Variants in INPP4B observed in about 807,000 individuals in gnomAD.
INPP4B encodes inositol polyphosphate 4-phosphatase type II.
Under a neutral mutation model 122.5 loss-of-function variants are expected in INPP4B, and 55 were observed. That is an observed-to-expected ratio of 0.45 (90% CI 0.36 to 0.56). The LOEUF is 0.56. Ranked by LOEUF, INPP4B falls within the 20% of genes least tolerant of loss-of-function variation. The pLI is 0.00. For missense variants in INPP4B, 1,000 were observed against 1,097.7 expected (o/e 0.91, Z 1.26); for synonymous variants, 403 against 388.7 (o/e 1.04, Z -0.43).
intron 9 of INPP4B, among the ~76,000 whole-genome samples, chr4:142,297,817 C>T (rs887625731): frequency 6.6e-6 from 1 of 152,126 alleles, no homozygotes; most frequent in Non-Finnish European, 1.5e-5. Context: ...GCAAGCAAAC[C>T]AAGCCAAAAG....
intron 18 of INPP4B, among the ~76,000 whole-genome samples, chr4:142,142,139 T>C (rs1308089698): frequency 1.3e-5 from 2 of 152,096 alleles, no homozygotes; most frequent in Non-Finnish European, 2.9e-5. Flanking sequence ...ATTGCTTGCC[T>C]AATCAATTCA....
chr4:142,792,752 G>A (rs1179807062), intron 1 of INPP4B, among the ~76,000 whole-genome samples: 2 of 151,956 alleles, frequency 1.3e-5, no homozygotes, highest in Admixed American at 6.6e-5. Context: ...CAGTGGGGAT[G>A]GATTCTCTCC....
chr4:142,664,762 C>T (rs1236845087), intron 2 of INPP4B, among the ~76,000 whole-genome samples: 1 of 151,896 alleles, frequency 6.6e-6, no homozygotes, highest in Non-Finnish European at 1.5e-5. Context: ...AAACAGAAAA[C>T]AAGATGTCTA....
chr4:142,726,628 C>T (rs761817002), intron 1 of INPP4B, among the ~76,000 whole-genome samples: 1 of 152,112 alleles, frequency 6.6e-6, no homozygotes, highest in Non-Finnish European at 1.5e-5. Flanking sequence ...CAATAGCTTT[C>T]CAGAAAGGAC....
chr4:142,111,242 A>C (rs1397998766), intron 22 of INPP4B, among the ~76,000 whole-genome samples: 1 of 152,148 alleles, frequency 6.6e-6, no homozygotes, highest in African/African-American at 2.4e-5. Flanking sequence ...AAAGACTATC[A>C]AACTCCCAAA....
intron 3 of INPP4B, among the ~76,000 whole-genome samples, chr4:142,435,354 A>G (rs543360107): frequency 3.7e-4 from 56 of 152,256 alleles, no homozygotes; most frequent in African/African-American, 1.3e-3. Flanking sequence ...ATAAGAATGA[A>G]ACTTGCCATT....
chr4:142,670,830 A>C (rs951321890), intron 2 of INPP4B, among the ~76,000 whole-genome samples: 39 of 152,158 alleles, frequency 2.6e-4, no homozygotes, highest in African/African-American at 9.2e-4. Context: ...TTACTATGTG[A>C]GATAATGCAC....
chr4:142,398,445 T>TATATAGA (rs749321202), intron 7 of INPP4B, among the ~76,000 whole-genome samples: 1 of 74,558 alleles, frequency 1.3e-5, no homozygotes. Context: ...TATATATATA[T>TATATAGA]AAAACATATT....
chr4:142,192,022 A>G (rs1263279044), intron 15 of INPP4B, among the ~76,000 whole-genome samples: 2 of 152,096 alleles, frequency 1.3e-5, no homozygotes, highest in African/African-American at 4.8e-5. Flanking sequence ...GATAAATGTG[A>G]TAAAACGTTA....
intron 7 of INPP4B, among the ~76,000 whole-genome samples, chr4:142,334,072 A>G (rs527376130): frequency 7.2e-5 from 11 of 152,102 alleles, no homozygotes; most frequent in Non-Finnish European, 1.6e-4. Flanking sequence ...TTCTGTTTCT[A>G]TGAGTTTGAC....
intron 2 of INPP4B, among the ~76,000 whole-genome samples, chr4:142,645,560 TC>T (rs1426258132): frequency 6.6e-6 from 1 of 152,224 alleles, no homozygotes; most frequent in African/African-American, 2.4e-5. Flanking sequence ...ATCCACATCC[TC>T]TTCTCCCCTT....
chr4:142,173,548 T>C, intron 16 of INPP4B, 84 bp downstream of exon 16: 3 of 1,130,018 alleles, frequency 2.7e-6, no homozygotes, highest in South Asian at 1.5e-5. Context: ...CCAGATGCTA[T>C]GAATGGCGAT....
chr4:142,055,228 T>G (rs1392464208), intron 25 of INPP4B, among the ~76,000 whole-genome samples: 1 of 152,076 alleles, frequency 6.6e-6, no homozygotes, highest in African/African-American at 2.4e-5. Flanking sequence ...AGTTTGATGG[T>G]TAAATAAACC....
intron 2 of INPP4B, among the ~76,000 whole-genome samples, chr4:142,648,743 C>A (rs1232689758): frequency 1.3e-5 from 2 of 152,196 alleles, no homozygotes; most frequent in African/African-American, 4.8e-5. Flanking sequence ...CCTCTTTGGG[C>A]AGGACATAGC....
At chr4:142,205,926 A>C (rs1267382033) in intron 14 of INPP4B, among the ~76,000 whole-genome samples, 1 of 152,158 alleles carries the variant, frequency 6.6e-6, no homozygotes, top group African/African-American at 2.4e-5. Context: ...TAATCAAGGA[A>C]GAACTACTGT....
chr4:142,249,799 C>A (rs1193692939), intron 11 of INPP4B, among the ~76,000 whole-genome samples: 1 of 152,190 alleles, frequency 6.6e-6, no homozygotes, highest in Non-Finnish European at 1.5e-5. Context: ...CGCTGTGCTG[C>A]AAACAAGGTG....
chr4:142,664,986 AG>A (rs1755774160), intron 2 of INPP4B, among the ~76,000 whole-genome samples: 1 of 152,210 alleles, frequency 6.6e-6, no homozygotes, highest in African/African-American at 2.4e-5. Context: ...AAATCTATAT[AG>A]CATATAACTG....
chr4:142,107,140 A>G (rs765493183), intron 23 of INPP4B, among the ~76,000 whole-genome samples: 65 of 152,208 alleles, frequency 4.3e-4, no homozygotes, highest in Non-Finnish European at 8.1e-4. Flanking sequence ...AAATCATAAT[A>G]TAAAATCTGC....
At chr4:142,163,773 T>C (rs1235547289) in intron 16 of INPP4B, among the ~76,000 whole-genome samples, 1 of 151,768 alleles carries the variant, frequency 6.6e-6, no homozygotes, top group South Asian at 2.1e-4. Context: ...AACTATTGTA[T>C]TGCTGTTCTT....
Sources: allele counts gnomAD v4.1 joint callset (sites outside exome capture counted in the v4.1 genomes callset), GRCh38; gene constraint gnomAD v4.1.1; transcripts MANE v1.5; gene names NCBI Gene and HGNC (gene_info 2026-07-23, HGNC 2026-07-21).